Variants in TBC1D2 observed in about 807,000 individuals in gnomAD.
TBC1D2 encodes the protein TBC1 domain family member 2.
Under a neutral mutation model 91.1 loss-of-function variants are expected in TBC1D2, and 58 were observed. That is an observed-to-expected ratio of 0.64 (90% CI 0.52 to 0.79). The LOEUF (loss-of-function observed/expected upper bound fraction) is 0.79, where lower values mean the gene tolerates loss of function less well. Ranked by LOEUF, TBC1D2 falls within the 30% of genes least tolerant of loss-of-function variation. TBC1D2 has a pLI of 0.00. For synonymous variants in TBC1D2, 482 were observed against 511.5 expected (o/e 0.94, Z 0.78); for missense variants, 1,080 against 1,208.3 (o/e 0.89, Z 1.57).
chr9:98,211,816 C>CTTTTTTTTTTTTTCTTTT (rs1828849218), intron 7 of TBC1D2, among the ~76,000 whole-genome samples: 1 of 148,236 alleles, frequency 6.7e-6, no homozygotes. Context: ...TTTTTTTTTC[C>CTTTTTTTTTTTTTCTTTT]TGAGAGAGTC....
chr9:98,230,214 AG>A (rs751459484), intron 4 of TBC1D2, among the ~76,000 whole-genome samples: 3 of 151,794 alleles, frequency 2.0e-5, no homozygotes, highest in Non-Finnish European at 4.4e-5. Context: ...CTTCAGCCCT[AG>A]GAACTTCCAA....
At chr9:98,209,213 G>A in intron 8 of TBC1D2, 69 bp from the exon 9 acceptor site, 1 of 1,492,116 alleles carries the variant, frequency 6.7e-7, no homozygotes, top group South Asian at 1.2e-5. Context: ...GGTGGTGACA[G>A]GGAGGACCCC....
rs572151091 is a variant in TBC1D2 at position 98,232,409 on chromosome 9, T to C, written c.781+1007A>G. On this transcript the variant is annotated intron_variant, in intron 4 of 12. Coordinates refer to ENST00000465784, the MANE Select transcript of TBC1D2 (RefSeq NM_001267571.2). ...ATCACGGCTCACTGCAGCCTCGACC[T>C]CCCTGGCTCAAGTGATCCTCCCAGC... 3.4e-5 allele frequency among the ~76,000 whole-genome samples: 5 copies of C among 146,752 alleles called. No individual in the cohort carries two copies. In the South Asian group the frequency reaches 1.1e-3, roughly 32 times the overall value.
rs1413829832 is a variant in TBC1D2 at position 98,233,507 on chromosome 9, TC to T, written c.689del (p.Gly230GlufsTer47). The T allele has an allele frequency of 6.2e-7, 1 of 1,614,188 alleles. No homozygotes were observed. Among genetic ancestry groups the T allele is most frequent in the Non-Finnish European group, 8.5e-7 (1 of 1,180,014 alleles). ...CTTCCCCTGGAGGTTCATGGCCTGT[TC>T]CCTGGGCCTGCTTGTTGCCACGGAT... Reference protein sequence around the residue: ...HNIRGNKQAQGTGHEPPGEDS... With the variant: ...HNIRGNKQAQXTGHEPPGEDS... On this transcript the variant is annotated frameshift_variant, in exon 4 of 13. Transcript: ENST00000465784. LOFTEE classifies it high-confidence loss of function.
intron 6 of TBC1D2, among the ~76,000 whole-genome samples, chr9:98,220,233 C>T (rs967359823): frequency 1.3e-5 from 2 of 152,222 alleles, no homozygotes; most frequent in Non-Finnish European, 2.9e-5. Context: ...CTTAACCTTT[C>T]TCAGCCTCAG....
chr9:98,237,553 C>T (rs1171759854), intron 3 of TBC1D2, among the ~76,000 whole-genome samples: 3 of 151,018 alleles, frequency 2.0e-5, no homozygotes, highest in Non-Finnish European at 4.4e-5. Flanking sequence ...GTCGCCCAGG[C>T]TGGAGTGCAG....
At chr9:98,241,553 G>A (rs1829636848) in intron 3 of TBC1D2, among the ~76,000 whole-genome samples, 1 of 152,176 alleles carries the variant, frequency 6.6e-6, no homozygotes, top group African/African-American at 2.4e-5. Flanking sequence ...GTTACAGGAG[G>A]GAAGTTGCTC....
At chr9:98,225,822 T>C (rs1226230025) in intron 5 of TBC1D2, among the ~76,000 whole-genome samples, 13 of 152,266 alleles carry the variant, frequency 8.5e-5, no homozygotes, top group Admixed American at 8.5e-4. Context: ...GTCTGCAATG[T>C]GCTCTCAAGA....
At chr9:98,245,171 C>T (rs1184398537) in intron 2 of TBC1D2, among the ~76,000 whole-genome samples, 3 of 151,896 alleles carry the variant, frequency 2.0e-5, no homozygotes, top group African/African-American at 7.3e-5. Context: ...ACCCAGGAGG[C>T]GGAGCTTGCA....
chr9:98,200,412 G>C (rs767642405), intron 11 of TBC1D2, 38 bp from the exon 12 acceptor site: 12 of 1,555,910 alleles, frequency 7.7e-6, no homozygotes, highest in South Asian at 2.3e-5. Context: ...GGCATGGGGG[G>C]GCCAGGCAGG....
intron 4 of TBC1D2, among the ~76,000 whole-genome samples, chr9:98,230,315 G>A (rs1176442713): frequency 6.6e-6 from 1 of 152,148 alleles, no homozygotes; most frequent in Non-Finnish European, 1.5e-5. Flanking sequence ...CTTTGCCTTG[G>A]CTGCTGAGCT....
rs781104845 is a variant in TBC1D2 at position 98,209,015 on chromosome 9, C to T, written c.1803G>A (p.Pro601=). ...CCAGGGCAGCCCAGCGCTCCCTCAG[C>T]GGCCGATCCACAGCCTCGAGGCCCA... The part of the protein sequence containing the change: ...HLLGLEAVDR[P]LRERWAALGD... Residue 601 remains proline, a synonymous_variant, in exon 9 of 13, where the codon CCG becomes CCA. Transcript: ENST00000465784. The T allele has an allele frequency of 5.0e-6, 8 of 1,613,996 alleles. No individual in the cohort carries two copies. Among genetic ancestry groups the T allele is most frequent in the East Asian group, 2.2e-5 (1 of 44,890 alleles).
At chr9:98,201,721 C>A in intron 10 of TBC1D2, 57 bp from the exon 11 acceptor site, 1 of 1,523,928 alleles carries the variant, frequency 6.6e-7, no homozygotes. Flanking sequence ...CTGCCTCCCT[C>A]CCTGCCCAGC....
In TBC1D2 at chr9:98,208,748, G is replaced by A. The variant is rs1242805799; in HGVS notation, c.2070C>T (p.Ser690=). Residue 690 remains serine, a synonymous_variant, in exon 9 of 13, where the codon AGC becomes AGT. Coordinates refer to ENST00000465784, the MANE Select transcript of TBC1D2 (RefSeq NM_001267571.2). ...GCACCCGGCGGAGCTTGTCGGGGAA[G>A]CTGGAGGTGGGGCAGGTGAAGTGTT... ...NNKHFTCPTS[S]FPDKLRRVLL... is the part of the protein sequence containing the mutation. 6.4e-7 allele frequency: 1 copy of A among 1,565,476 alleles called. No homozygotes were observed. Among genetic ancestry groups the A allele is most frequent in the East Asian group, 2.3e-5 (1 of 44,300 alleles).
intron 2 of TBC1D2, among the ~76,000 whole-genome samples, chr9:98,245,396 A>G (rs1829743236): frequency 1.3e-5 from 2 of 151,790 alleles, no homozygotes; most frequent in Non-Finnish European, 2.9e-5. Context: ...GCAAAACCCC[A>G]TCTCTACAAA....
In TBC1D2 at chr9:98,229,061, GTGT is replaced by G. The variant is rs1564249498; in HGVS notation, c.866_868del (p.Asn289del). The G allele has an allele frequency of 1.9e-6, 3 of 1,614,246 alleles. No individual in the cohort carries two copies. Among genetic ancestry groups the G allele is most frequent in the Admixed American group, 1.7e-5 (1 of 60,028 alleles). On this transcript the variant is annotated inframe_deletion, in exon 5 of 13. Transcript: ENST00000465784. ...GATTCCTTCAGAAAAGAATGGGAAG[GTGT>G]TGTTCTGGCGCTTGGCTTTCTGAGC...
chr9:98,215,921 T>C (rs1387014809), intron 6 of TBC1D2, among the ~76,000 whole-genome samples: 1 of 152,200 alleles, frequency 6.6e-6, no homozygotes, highest in Non-Finnish European at 1.5e-5. Context: ...CCTCCAAGCG[T>C]TGTCCTTTGG....
chr9:98,200,190 C>A (rs1828448082), intron 12 of TBC1D2, 63 bp downstream of exon 12: 3 of 1,600,750 alleles, frequency 1.9e-6, no homozygotes, highest in Admixed American at 1.7e-5. Context: ...TCAGCCTCCC[C>A]TCTGCTATGT....
intron 6 of TBC1D2, 164 bp from the exon 7 acceptor site, chr9:98,213,382 C>T: frequency 7.0e-7 from 1 of 1,431,696 alleles, no homozygotes. Flanking sequence ...TCATAGCACC[C>T]TTCTCTATTC....
Sources: gnomAD v4.1 joint callset for allele counts (sites outside exome capture counted in the v4.1 genomes callset) on GRCh38, gnomAD v4.1.1 for gene constraint, MANE v1.5 for transcripts, NCBI Gene and HGNC (gene_info 2026-07-23, HGNC 2026-07-21) for gene names.